The following EMC10 variants were observed in gnomAD, a reference collection of about 807,000 sequenced individuals.
EMC10 encodes UPF0510 protein INM02.
EMC10 carries 40 observed loss-of-function variants against 32.2 expected under a neutral mutation model. That is an observed-to-expected ratio of 1.24 (90% CI 0.96 to 1.61). The LOEUF (loss-of-function observed/expected upper bound fraction) is 1.61. Among genes scored for constraint, EMC10 ranks in the 40% most tolerant of loss-of-function variants. The probability of loss-of-function intolerance (pLI) is 0.00; values close to 1 mark genes in which losing one functional copy is unlikely to be tolerated. For missense variants in EMC10, 402 were observed against 357.7 expected, an observed-to-expected ratio of 1.12 and a Z score of -1.00; for synonymous variants, 178 against 158.4, an observed-to-expected ratio of 1.12 and a Z score of -0.93.
rs1568682737 is a variant in EMC10, at chr19:50,476,611, A to G, written c.67A>G (p.Ser23Gly). Residue 23 changes from serine (S) to glycine (G), a missense_variant, in exon 1 of 7, where the codon AGT (serine) becomes GGT (glycine). By Grantham distance (56) the Ser-to-Gly change is moderately conservative (BLOSUM62 0). Transcript: ENST00000334976. Reference sequence around the variant, plus strand: ...CTTGCTGATGGCGGTAGCAGCGCCCAGTCGAGCCCGGGGCAGCGGCTGCCG... The same window carrying G: ...CTTGCTGATGGCGGTAGCAGCGCCCGGTCGAGCCCGGGGCAGCGGCTGCCG... ...LLLLMAVAAP[S>G]RARGSGCRAG... 3 of 1,563,014 alleles carry G rather than the reference A, an allele frequency of 1.9e-6. No individual in the cohort carries two copies. Among genetic ancestry groups the G allele is most frequent in the East Asian group, 2.4e-5 (1 of 42,440 alleles).
In EMC10 at chr19:50,488,295, C is replaced by CA. The variant is rs56988126; in HGVS notation, c.*6059dup. On this transcript the variant is annotated 3_prime_UTR_variant, in exon 7 of 7. Coordinates refer to ENST00000334976, the MANE Select transcript of EMC10 (RefSeq NM_206538.4). ...TGGGCGACAGAGCGAGACTCCGTCT[C>CA]AAAAAAAAAAAAAAAAAAAAAAAGA... is the stretch of plus-strand genomic sequence containing the variant. The CA allele has an allele frequency of 0.47, 23,558 of 49,910 alleles. 7,321 individuals are homozygous for CA. The highest frequency in any genetic ancestry group is 0.73 in the East Asian group (840 of 1,144). The allele number at this position is 49,910 out of a possible 1,614,324, so 3.1% of individuals were successfully genotyped here. A position where few individuals can be genotyped will look rare whatever the true frequency, so the allele number is the denominator to read the frequency against.
chr19:50,480,748 C>A lies in EMC10; in HGVS notation c.570C>A (p.Pro190=). The stretch of plus-strand genomic sequence containing the variant: ...ACACCTCGGTGCAGCTGCAGCCGCC[C>A]ACCACAGCCCCAGGGTGAGCCTCTG... ...LFNTSVQLQP[P]TTAPGPETAA... is the part of the protein sequence containing the mutation. The change falls in exon 5 of 7, where the codon CCC becomes CCA. Residue 190 remains proline (P), a synonymous_variant. Coordinates refer to ENST00000334976, the MANE Select transcript of EMC10 (RefSeq NM_206538.4). This position sits in a 1 kb window ranked among gnomAD's most constrained non-coding sequence, Gnocchi z 4.4. 6.3e-7 allele frequency: 1 copy of A among 1,594,656 alleles called. No individual in the cohort carries two copies. The highest frequency in any genetic ancestry group is 1.1e-5 in the South Asian group (1 of 87,984).
Position 50,480,956 on chromosome 19 carries a change from GA to G in EMC10, c.659del (p.Lys220SerfsTer19), listed in dbSNP as rs2040310860. The G allele has an allele frequency of 6.2e-7, 1 of 1,612,428 alleles. No individual in the cohort carries two copies. The highest frequency in any genetic ancestry group is 1.1e-5 in the South Asian group (1 of 91,024). The part of the protein sequence containing the change: ...AQKAKNPQEQ[K>X]SFFAKYWMYI... ...AGAAGGCCAAGAACCCCCAGGAGCA[GA>G]AGTCCTTCTTCGCCAAATACGTGAG... On this transcript the variant is annotated frameshift_variant, in exon 6 of 7. Transcript: ENST00000334976. LOFTEE classifies it high-confidence loss of function. The surrounding 1 kb of genome is among the most constrained non-coding windows in gnomAD (Gnocchi z 4.4).
At position 50,480,748 on chromosome 19, in the gene EMC10, C is replaced by T. The variant is rs1233781349; in HGVS notation, c.570C>T (p.Pro190=). The change falls in exon 5 of 7, where the codon CCC becomes CCT. Residue 190 remains proline, a synonymous_variant. Coordinates refer to ENST00000334976, the MANE Select transcript of EMC10 (RefSeq NM_206538.4). This position sits in a 1 kb window ranked among gnomAD's most constrained non-coding sequence, Gnocchi z 4.4. ...ACACCTCGGTGCAGCTGCAGCCGCC[C>T]ACCACAGCCCCAGGGTGAGCCTCTG... ...LFNTSVQLQP[P]TTAPGPETAA... 6.3e-7 allele frequency: 1 copy of T among 1,594,538 alleles called. No homozygotes were observed. The highest frequency in any genetic ancestry group is 8.5e-7 in the Non-Finnish European group (1 of 1,170,572).
At chr19:50,478,068 C>G in intron 2 of EMC10, 67 bp downstream of exon 2, 2 of 1,332,596 alleles carry the variant, frequency 1.5e-6, no homozygotes, top group Non-Finnish European at 2.1e-6. Flanking sequence ...GACTTGGAGT[C>G]TGGGTGCCTC....
chr19:50,482,291 C>A lies in EMC10; in HGVS notation c.*32C>A. On this transcript the variant is annotated 3_prime_UTR_variant, in exon 7 of 7. Transcript: ENST00000334976. ...AGGCTGGTCAGCGTCCCGTCTTGCA[C>A]ACCCAGGGGCCTCCCTTTCTGCTGG... is the stretch of plus-strand genomic sequence containing the variant. The A allele has an allele frequency of 2.3e-6, 2 of 885,586 alleles. No homozygotes were observed. Among genetic ancestry groups the A allele is most frequent in the East Asian group, 2.6e-5 (1 of 37,946 alleles). 54.9% of individuals were successfully genotyped at this position (885,586 alleles called of 1,614,324 possible). A position where few individuals can be genotyped will look rare whatever the true frequency, so the allele number is the denominator to read the frequency against.
chr19:50,481,722 A>C, intron 6 of EMC10: 1 of 679,108 alleles, frequency 1.5e-6, no homozygotes, highest in Non-Finnish European at 2.4e-6. Flanking sequence ...GTTGTGCTGC[A>C]GGGAACTGAG....
At position 50,483,487 on chromosome 19, in the gene EMC10, A is replaced by G. The variant is rs113057634; in HGVS notation, c.*1228A>G. On this transcript the variant is annotated 3_prime_UTR_variant, in exon 7 of 7. Coordinates refer to ENST00000334976, the MANE Select transcript of EMC10 (RefSeq NM_206538.4). ...ACGATGGCAGATCGGAAACGCGTTT[A>G]TAAACAAGTGATGGTTTGTGAGTCG... The G allele has an allele frequency of 5.6e-6, 1 of 178,440 alleles. No individual in the cohort carries two copies. Among genetic ancestry groups the G allele is most frequent in the Non-Finnish European group, 1.2e-5 (1 of 84,274 alleles). 11.1% of individuals were successfully genotyped at this position (178,440 alleles called of 1,614,324 possible).
In EMC10 at chr19:50,486,518, C is replaced by A. The variant is rs1423509194; in HGVS notation, c.*4259C>A. 4 of 152,130 alleles carry A rather than the reference C, an allele frequency of 2.6e-5. No individual in the cohort carries two copies. Among genetic ancestry groups the A allele is most frequent in the Admixed American group, 6.6e-5 (1 of 15,246 alleles). 9.4% of individuals were successfully genotyped at this position (152,130 alleles called of 1,614,324 possible). ...GCTTCTTTAACCCATCAGAGAGACT[C>A]CCTGGTAAGGATTAGGGGCTAATTA... is the stretch of plus-strand genomic sequence containing the variant. On this transcript the variant is annotated 3_prime_UTR_variant, in exon 7 of 7. Transcript: ENST00000334976.
rs1342622510 is a variant in EMC10 at position 50,482,463 on chromosome 19, G to A, written c.*204G>A. On this transcript the variant is annotated 3_prime_UTR_variant, in exon 7 of 7. Transcript: ENST00000334976. The stretch of plus-strand genomic sequence containing the variant: ...ACTGGGGCCTTTGGCACAGCAGCCG[G>A]TGTCTCCTGCGCCCGCCTCCCCCAT... The A allele has an allele frequency of 5.1e-6, 3 of 589,362 alleles. No homozygotes were observed. Among genetic ancestry groups the A allele is most frequent in the Non-Finnish European group, 9.0e-6 (3 of 331,694 alleles). 36.5% of individuals were successfully genotyped at this position (589,362 alleles called of 1,614,324 possible).
chr19:50,480,095 C>T lies in EMC10; in HGVS notation c.298-16C>T. The T allele has an allele frequency of 6.3e-7, 1 of 1,597,008 alleles. No individual in the cohort carries two copies. ...ACACCATCCTTCTGACCAGCACCCT[C>T]TTCTCCCATCCCCAGGATGTGGCAG... is the stretch of plus-strand genomic sequence containing the variant. On this transcript the variant is annotated splice_polypyrimidine_tract_variant and intron_variant, in intron 3 of 6. Coordinates refer to ENST00000334976, the MANE Select transcript of EMC10 (RefSeq NM_206538.4). This position sits in a 1 kb window ranked among gnomAD's most constrained non-coding sequence, Gnocchi z 4.4.
chr19:50,480,112 A>G lies in EMC10; in HGVS notation c.299A>G (p.Asp100Gly), dbSNP rs1369113692. 2.5e-6 allele frequency: 4 copies of G among 1,608,694 alleles called. No homozygotes were observed. The highest frequency in any genetic ancestry group is 2.5e-6 in the Non-Finnish European group (3 of 1,178,112). Residue 100 changes from aspartate (D) to glycine (G), a missense_variant and splice_region_variant, in exon 4 of 7, where the codon GAT becomes GGT. By Grantham distance (94) the Asp-to-Gly change is moderately conservative. Transcript: ENST00000334976. This position sits in a 1 kb window ranked among gnomAD's most constrained non-coding sequence, Gnocchi z 4.4. ...AGCACCCTCTTCTCCCATCCCCAGG[A>G]TGTGGCAGCCCTGAATGGCCTGTAC... is the stretch of plus-strand genomic sequence containing the variant. ...LSEEERGRLR[D>G]VAALNGLYRV...
Position 50,480,602 on chromosome 19 carries a change from C to T in EMC10, c.424C>T (p.Leu142=). 6.4e-6 allele frequency: 10 copies of T among 1,562,386 alleles called. No individual in the cohort carries two copies. Among genetic ancestry groups the T allele is most frequent in the Non-Finnish European group, 8.7e-6 (10 of 1,153,580 alleles). Residue 142 remains leucine, a synonymous_variant, in exon 5 of 7, where the codon CTG becomes TTG. Coordinates refer to ENST00000334976, the MANE Select transcript of EMC10 (RefSeq NM_206538.4). This position sits in a 1 kb window ranked among gnomAD's most constrained non-coding sequence, Gnocchi z 4.4. The part of the protein sequence containing the change: ...VPACSLVESH[L]SDQLTLHVDV... Reference sequence around the variant, plus strand: ...ACAGTGCTCCCTGGTGGAGTCGCACCTGTCGGACCAGCTGACCCTGCACGT... The same window carrying T: ...ACAGTGCTCCCTGGTGGAGTCGCACTTGTCGGACCAGCTGACCCTGCACGT...
chr19:50,487,858 G>T lies in EMC10; in HGVS notation c.*5599G>T. ...AAACCAGAGAGAGGGAAGGAAGAGA[G>T]ACCCAAGGGGGAGAGACAGGGAAGG... On this transcript the variant is annotated 3_prime_UTR_variant, in exon 7 of 7. Coordinates refer to ENST00000334976, the MANE Select transcript of EMC10 (RefSeq NM_206538.4). The T allele has an allele frequency of 6.5e-6, 1 of 152,770 alleles. No homozygotes were observed. The allele number at this position is 152,770 out of a possible 1,614,324, so 9.5% of individuals were successfully genotyped here. A position where few individuals can be genotyped will look rare whatever the true frequency, so the allele number is the denominator to read the frequency against.
rs182625572 is a variant in EMC10 at position 50,480,450 on chromosome 19, C to G, written c.403-131C>G. 1 of 1,185,698 alleles carries G rather than the reference C, an allele frequency of 8.4e-7. No individual in the cohort carries two copies. Among genetic ancestry groups the G allele is most frequent in the East Asian group, 2.6e-5 (1 of 38,960 alleles). 73.4% of individuals were successfully genotyped at this position (1,185,698 alleles called of 1,614,324 possible). On this transcript the variant is annotated intron_variant, in intron 4 of 6. Transcript: ENST00000334976. The surrounding 1 kb of genome is among the most constrained non-coding windows in gnomAD (Gnocchi z 4.4). ...GGGTGGGGGGCGGTTGAACTTGGGC[C>G]TGAGGGTAACAGGGAGCCATGGGAA... is the stretch of plus-strand genomic sequence containing the variant.
intron 3 of EMC10, among the ~76,000 whole-genome samples, chr19:50,479,333 G>T (rs541685609): frequency 6.6e-6 from 1 of 152,224 alleles, no homozygotes; most frequent in Non-Finnish European, 1.5e-5. Flanking sequence ...TCCCCTGCAG[G>T]TTCACACAGT....
intron 3 of EMC10, among the ~76,000 whole-genome samples, chr19:50,479,408 G>A (rs2040282908): frequency 6.6e-6 from 1 of 152,206 alleles, no homozygotes; most frequent in East Asian, 1.9e-4. Flanking sequence ...ATTTGTTTGT[G>A]AGGAGAAAGC....
rs760587429 is a variant in EMC10, at chr19:50,480,625, C to T, written c.447C>T (p.His149=). The change falls in exon 5 of 7, where the codon CAC becomes CAT. Residue 149 remains histidine, a synonymous_variant. Coordinates refer to ENST00000334976, the MANE Select transcript of EMC10 (RefSeq NM_206538.4). The surrounding 1 kb of genome is among the most constrained non-coding windows in gnomAD (Gnocchi z 4.4). ...ESHLSDQLTL[H]VDVAGNVVGV... is the part of the protein sequence containing the mutation. ...ACCTGTCGGACCAGCTGACCCTGCA[C>T]GTGGATGTGGCCGGCAACGTGGTGG... 38 of 1,577,274 alleles carry T rather than the reference C, an allele frequency of 2.4e-5. No individual in the cohort carries two copies. The highest frequency in any genetic ancestry group is 1.7e-4 in the Middle Eastern group (1 of 6,032).
intron 1 of EMC10, chr19:50,477,181 C>T (rs1317457332): frequency 1.3e-5 from 2 of 152,300 alleles, no homozygotes; most frequent in Non-Finnish European, 2.9e-5. Flanking sequence ...GGCGGGCGGA[C>T]CACTTGAAGT....
Sources: gnomAD v4.1 joint callset for allele counts (sites outside exome capture counted in the v4.1 genomes callset) on GRCh38, gnomAD v4.1.1 for gene constraint, Gnocchi (gnomAD v3.1) non-coding constraint, MANE v1.5 for transcripts, NCBI Gene and HGNC (gene_info 2026-07-23, HGNC 2026-07-21) for gene names.